The following RNLS variants were observed in gnomAD, a reference collection of about 807,000 sequenced individuals.
RNLS encodes the protein renalase, FAD dependent amine oxidase.
Under a neutral mutation model 39.8 loss-of-function variants are expected in RNLS, and 39 were observed. That is an observed-to-expected ratio of 0.98 (90% confidence interval 0.76 to 1.28). The LOEUF (loss-of-function observed/expected upper bound fraction) is 1.28. RNLS is among the 50% of genes most tolerant of loss of function. The pLI, the probability that RNLS is intolerant of heterozygous loss-of-function variation, is 0.00. For missense variants in RNLS, 410 were observed against 413.3 expected (o/e 0.99, Z 0.07); for synonymous variants, 147 against 150.7 (o/e 0.98, Z 0.18).
At chr10:88,345,230 G>T (rs1049669106) in intron 5 of RNLS, among the ~76,000 whole-genome samples, 2 of 152,116 alleles carry the variant, frequency 1.3e-5, no homozygotes, top group African/African-American at 4.8e-5. Context: ...GTGATTTCCT[G>T]TGGTGAGATT....
intron 6 of RNLS, among the ~76,000 whole-genome samples, chr10:88,296,153 C>T (rs1444279710): frequency 6.6e-6 from 1 of 152,112 alleles, no homozygotes; most frequent in Non-Finnish European, 1.5e-5. Flanking sequence ...TTTCTGTAAA[C>T]TGATTTAACA....
chr10:88,260,469 T>G, the RNLS span, among the ~76,000 whole-genome samples: 1 of 152,242 alleles, frequency 6.6e-6, no homozygotes, highest in Non-Finnish European at 1.5e-5. Flanking sequence ...ATGATAAAAC[T>G]AAGGTTCTGA....
intron 4 of RNLS, among the ~76,000 whole-genome samples, chr10:88,524,998 T>TATATATATATATATAC (rs1554919255): frequency 1.1e-4 from 12 of 104,464 alleles, no homozygotes; most frequent in African/African-American, 3.8e-4. Context: ...TATATATATA[T>TATATATATATATATAC]ACACACACAC....
the RNLS span, among the ~76,000 whole-genome samples, chr10:88,189,172 A>C: frequency 6.6e-6 from 1 of 152,232 alleles, no homozygotes; most frequent in African/African-American, 2.4e-5. Context: ...CCATCTAAAT[A>C]AATGTGTGGG....
rs560885586 is a variant in RNLS, at chr10:88,470,860, C to T, written c.526+102043G>A. On this transcript the variant is annotated intron_variant, in intron 4 of 6. Coordinates refer to ENST00000331772, the MANE Select transcript of RNLS (RefSeq NM_001031709.3). ...CAAACTCCTGACCTTGTGATCCACC[C>T]GCCTCGGCCTCCCAAAGTGCTGGGA... is the stretch of plus-strand genomic sequence containing the variant. 2.1e-4 allele frequency among the ~76,000 whole-genome samples: 32 copies of T among 152,164 alleles called. 1 individual carries two copies. Among genetic ancestry groups the T allele is most frequent in the African/African-American group, 4.8e-4 (20 of 41,518 alleles).
chr10:88,380,351 G>A (rs986796634), intron 4 of RNLS, among the ~76,000 whole-genome samples: 4 of 142,544 alleles, frequency 2.8e-5, no homozygotes, highest in African/African-American at 1.0e-4. Context: ...TTTTAGTCTT[G>A]GGGTTTTGTA....
chr10:88,319,896 C>G (rs965273526), intron 5 of RNLS, among the ~76,000 whole-genome samples: 4 of 151,928 alleles, frequency 2.6e-5, no homozygotes, highest in African/African-American at 9.7e-5. Context: ...TCTTACTAAC[C>G]TTGCTAGAAT....
At chr10:88,517,187 G>A (rs1013324942) in intron 4 of RNLS, among the ~76,000 whole-genome samples, 1 of 151,880 alleles carries the variant, frequency 6.6e-6, no homozygotes, top group African/African-American at 2.4e-5. Context: ...GAACATCTGG[G>A]AAACAATTAT....
Position 88,459,913 on chromosome 10 carries a change from T to G in RNLS, c.527-97188A>C, listed in dbSNP as rs188281106. 3.0e-3 allele frequency among the ~76,000 whole-genome samples: 454 copies of G among 152,328 alleles called. 6 individuals are homozygous for G. Among genetic ancestry groups the G allele is most frequent in the Non-Finnish European group, 5.2e-3 (351 of 68,020 alleles). ...CTACAATTCACAGCTGAGAAATACA[T>G]GGCCACTGAATAATTACCTCATATC... is the stretch of plus-strand genomic sequence containing the variant. On this transcript the variant is annotated intron_variant, in intron 4 of 6. Coordinates refer to ENST00000331772, the MANE Select transcript of RNLS (RefSeq NM_001031709.3).
intron 4 of RNLS, among the ~76,000 whole-genome samples, chr10:88,512,702 A>C (rs1358625981): frequency 6.6e-6 from 1 of 152,042 alleles, no homozygotes; most frequent in African/African-American, 2.4e-5. Context: ...ACTCTCCACA[A>C]TGCATCTTAC....
Position 88,551,737 on chromosome 10 carries a change from G to T in RNLS, c.526+21166C>A, listed in dbSNP as rs114608231. 7.4e-3 allele frequency among the ~76,000 whole-genome samples: 1,121 copies of T among 151,312 alleles called. 7 individuals carry two copies. The highest frequency in any genetic ancestry group is 0.026 in the African/African-American group (1,078 of 41,368). On this transcript the variant is annotated intron_variant, in intron 4 of 6. Transcript: ENST00000331772. Reference sequence around the variant, plus strand: ...TTGTAGTCAGTATTTTGGCTCTTCTGGTGGGTAGTTTTGCAGGGTTAGAAG... The same window carrying T: ...TTGTAGTCAGTATTTTGGCTCTTCTTGTGGGTAGTTTTGCAGGGTTAGAAG...
intron 4 of RNLS, among the ~76,000 whole-genome samples, chr10:88,408,659 A>ATTGGTGTTTTATTTATTTGG (rs1175729370): frequency 1.3e-5 from 2 of 152,056 alleles, no homozygotes; most frequent in African/African-American, 4.8e-5. Context: ...GTTTTATATA[A>ATTGGTGTTTTATTTATTTGG]TGCAATTTAT....
chr10:88,278,972 G>A (rs1294129040), intron 6 of RNLS, among the ~76,000 whole-genome samples: 1 of 152,156 alleles, frequency 6.6e-6, no homozygotes, highest in African/African-American at 2.4e-5. Context: ...TAACTCCTAT[G>A]TGCCAGGTCC....
the RNLS span, among the ~76,000 whole-genome samples, chr10:88,259,899 GC>G: frequency 1.3e-5 from 2 of 151,930 alleles, no homozygotes; most frequent in African/African-American, 4.8e-5. Flanking sequence ...GCGCCACCAC[GC>G]CCAGCTAATT....
chr10:88,238,444 T>C, the RNLS span, among the ~76,000 whole-genome samples: 3 of 152,178 alleles, frequency 2.0e-5, no homozygotes, highest in African/African-American at 7.2e-5. Context: ...ATCACAGGAA[T>C]TTTGCATCTG....
At chr10:88,451,152 C>T (rs574997656) in intron 4 of RNLS, among the ~76,000 whole-genome samples, 1 of 152,270 alleles carries the variant, frequency 6.6e-6, no homozygotes, top group African/African-American at 2.4e-5. Context: ...CTTAAGCAGT[C>T]TGAGTGGCAT....
At chr10:88,568,736 TTA>T (rs1849657740) in intron 4 of RNLS, among the ~76,000 whole-genome samples, 12 of 152,176 alleles carry the variant, frequency 7.9e-5, no homozygotes, top group Admixed American at 7.9e-4. Context: ...GGCTGATGCT[TTA>T]TGACAGCAGT....
downstream of RNLS, among the ~76,000 whole-genome samples, chr10:88,272,816 A>T (rs1290922152): frequency 6.6e-6 from 1 of 152,088 alleles, no homozygotes; most frequent in Non-Finnish European, 1.5e-5. Flanking sequence ...TGAATCTCCA[A>T]GTTGGAAGCT....
intron 5 of RNLS, among the ~76,000 whole-genome samples, chr10:88,338,044 T>C (rs888261326): frequency 2.0e-5 from 3 of 152,204 alleles, no homozygotes; most frequent in Non-Finnish European, 4.4e-5. Flanking sequence ...AATTTCTTCA[T>C]ATGTGAAGTA....
Sources: gnomAD v4.1 joint callset for allele counts (sites outside exome capture counted in the v4.1 genomes callset) on GRCh38, gnomAD v4.1.1 for gene constraint, MANE v1.5 for transcripts, NCBI Gene and HGNC (gene_info 2026-07-23, HGNC 2026-07-21) for gene names.